Variants in HTR1F observed in about 807,000 individuals in gnomAD.
HTR1F encodes 5-hydroxytryptamine (serotonin) receptor 1F, G protein-coupled.
HTR1F carries 17 observed loss-of-function variants against 24.0 expected under a neutral mutation model. The observed-to-expected ratio is 0.71, with a 90% CI of 0.48 to 1.06. HTR1F has a LOEUF of 1.06. Among genes scored for constraint, HTR1F ranks in the 50% least tolerant of loss-of-function variants. HTR1F has a pLI of 0.00. For synonymous variants in HTR1F, 186 were observed against 156.8 expected, an observed-to-expected ratio of 1.19 and a Z score of -1.39; for missense variants, 391 against 427.8, an observed-to-expected ratio of 0.91 and a Z score of 0.76.
intron 2 of HTR1F, among the ~76,000 whole-genome samples, chr3:87,984,441 G>T (rs1234639238): frequency 1.7e-5 from 2 of 119,466 alleles, no homozygotes; most frequent in African/African-American, 3.0e-5. Context: ...TAGGAAAGAG[G>T]TTTTTTTGTT....
chr3:87,822,425 A>G (rs1412204512), intron 2 of HTR1F, among the ~76,000 whole-genome samples: 1 of 152,234 alleles, frequency 6.6e-6, no homozygotes, highest in African/African-American at 2.4e-5. Context: ...AAATAAATTA[A>G]GAAAAATGCT....
chr3:87,831,598 G>C (rs1704582271), intron 2 of HTR1F, among the ~76,000 whole-genome samples: 1 of 151,938 alleles, frequency 6.6e-6, no homozygotes, highest in African/African-American at 2.4e-5. Flanking sequence ...TCCTGACCTC[G>C]TGATCTGCCT....
chr3:87,963,607 G>C (rs566346670), intron 2 of HTR1F, among the ~76,000 whole-genome samples: 1 of 152,168 alleles, frequency 6.6e-6, no homozygotes, highest in South Asian at 2.1e-4. Flanking sequence ...TGACATTTCT[G>C]TGGGCCTCAA....
chr3:87,889,053 T>A (rs977403808), intron 2 of HTR1F, among the ~76,000 whole-genome samples: 2 of 152,106 alleles, frequency 1.3e-5, no homozygotes, highest in African/African-American at 4.8e-5. Flanking sequence ...TTCTTACTCT[T>A]AGTCCTCATG....
At chr3:87,976,505 A>T (rs1438435129) in intron 2 of HTR1F, among the ~76,000 whole-genome samples, 2 of 152,204 alleles carry the variant, frequency 1.3e-5, no homozygotes, top group African/African-American at 4.8e-5. Context: ...CTCTTAAAAA[A>T]AACTGAAGTT....
chr3:87,990,671 C>A, intron 2 of HTR1F, 37 bp from the exon 3 acceptor site: 5 of 1,029,612 alleles, frequency 4.9e-6, no homozygotes, highest in African/African-American at 1.6e-5. Context: ...GTTCTTGAAG[C>A]CTTCTCTGAA....
chr3:87,874,404 G>T (rs191832800), intron 2 of HTR1F, among the ~76,000 whole-genome samples: 90 of 152,064 alleles, frequency 5.9e-4, no homozygotes, highest in African/African-American at 2.1e-3. Context: ...GCATCACAAA[G>T]AATAAAATAC....
intron 2 of HTR1F, among the ~76,000 whole-genome samples, chr3:87,838,514 T>C (rs959488341): frequency 3.9e-5 from 6 of 152,156 alleles, no homozygotes; most frequent in Non-Finnish European, 7.4e-5. Flanking sequence ...TGAGGTTTTT[T>C]TTATATTACT....
intron 2 of HTR1F, among the ~76,000 whole-genome samples, chr3:87,859,854 G>T (rs1705278899): frequency 6.6e-6 from 1 of 152,060 alleles, no homozygotes; most frequent in African/African-American, 2.4e-5. Flanking sequence ...CCTCAATAAA[G>T]CTGGGGAAAA....
Position 87,991,148 on chromosome 3 carries a change from GA to G in HTR1F, c.403del (p.Arg135GlyfsTer9). 1 of 1,614,058 alleles carries G rather than the reference GA, an allele frequency of 6.2e-7. No homozygotes were observed. Among genetic ancestry groups the G allele is most frequent in the Non-Finnish European group, 8.5e-7 (1 of 1,180,022 alleles). Reference sequence around the variant, plus strand: ...TCACAGATGCTGTTGAGTATGCCAGGAAAAGGACTCCAAAGCATGCTGGCAT... The same window carrying G: ...TCACAGATGCTGTTGAGTATGCCAGGAAAGGACTCCAAAGCATGCTGGCAT... Reference protein sequence around the residue: ...AITDAVEYARKRTPKHAGIMI... With the variant: ...AITDAVEYARXRTPKHAGIMI... On this transcript the variant is annotated frameshift_variant, in exon 3 of 3. Transcript: ENST00000319595. LOFTEE classifies it high-confidence loss of function.
chr3:87,878,859 T>C (rs1705726321), intron 2 of HTR1F, among the ~76,000 whole-genome samples: 1 of 152,328 alleles, frequency 6.6e-6, no homozygotes, highest in African/African-American at 2.4e-5. Context: ...AGGTGTCATA[T>C]TGTAGTTAAG....
chr3:87,977,438 G>A (rs1197077588), intron 2 of HTR1F, among the ~76,000 whole-genome samples: 9 of 119,476 alleles, frequency 7.5e-5, no homozygotes, highest in Admixed American at 1.2e-4. Flanking sequence ...TCACTCTGTC[G>A]CCCAGGCTGG....
chr3:87,829,044 CA>C (rs536460252), intron 2 of HTR1F, among the ~76,000 whole-genome samples: 19,293 of 130,706 alleles, frequency 0.15, 3,687 homozygotes, highest in African/African-American at 0.45. Flanking sequence ...GTCAGCATAC[CA>C]AAAAAAAAAA....
intron 2 of HTR1F, among the ~76,000 whole-genome samples, chr3:87,845,878 T>A (rs1704929698): frequency 6.6e-6 from 1 of 151,982 alleles, no homozygotes; most frequent in Non-Finnish European, 1.5e-5. Flanking sequence ...ATTATTTTGG[T>A]GTTTTCACTC....
chr3:87,890,910 C>T (rs1303667400), intron 2 of HTR1F, among the ~76,000 whole-genome samples: 4 of 149,800 alleles, frequency 2.7e-5, no homozygotes, highest in Non-Finnish European at 5.9e-5. Context: ...GGCACGATCT[C>T]GGCTCACTGC....
intron 2 of HTR1F, among the ~76,000 whole-genome samples, chr3:87,943,630 G>C (rs1704624798): frequency 6.6e-6 from 1 of 152,132 alleles, no homozygotes; most frequent in African/African-American, 2.4e-5. Flanking sequence ...GCTTCCTATA[G>C]GGCATAAATC....
chr3:87,929,342 C>A (rs552499562), intron 2 of HTR1F, among the ~76,000 whole-genome samples: 1 of 152,154 alleles, frequency 6.6e-6, no homozygotes, highest in Non-Finnish European at 1.5e-5. Flanking sequence ...TAATTGTATA[C>A]AAGCACCATA....
intron 2 of HTR1F, among the ~76,000 whole-genome samples, chr3:87,980,390 A>T (rs1457525741): frequency 2.0e-5 from 3 of 152,162 alleles, no homozygotes; most frequent in African/African-American, 7.2e-5. Context: ...GCTCCTATCC[A>T]TGGGCAGGTC....
rs3079048 is a variant in HTR1F at position 87,873,133 on chromosome 3, C to CAGAG, written c.-43+51013_-43+51016dup. Among the ~76,000 whole-genome samples, 1,187 of 130,262 alleles carry CAGAG rather than the reference C, an allele frequency of 9.1e-3. 24 individuals carry two copies. Among genetic ancestry groups the CAGAG allele is most frequent in the East Asian group, 0.078 (358 of 4,576 alleles). 85.5% of individuals were successfully genotyped at this position (130,262 alleles called of 152,430 possible). On this transcript the variant is annotated intron_variant, in intron 2 of 2. Coordinates refer to ENST00000319595, the MANE Select transcript of HTR1F (RefSeq NM_001322209.2). ...ACACACACACACACACACACACACACAGAGAGATTTATGAGATTTATTATA... is the reference window on the plus strand; with the variant it reads ...ACACACACACACACACACACACACACAGAGAGAGAGATTTATGAGATTTATTATA...
Sources: gnomAD v4.1 joint callset for allele counts (sites outside exome capture counted in the v4.1 genomes callset) on GRCh38, gnomAD v4.1.1 for gene constraint, MANE v1.5 for transcripts, NCBI Gene and HGNC (gene_info 2026-07-23, HGNC 2026-07-21) for gene names.